Variants in AKR1C8 observed in about 807,000 individuals in gnomAD.
AKR1C8 encodes aldo-keto reductase family 1 member C8.
the AKR1C8 span, chr10:5,155,666 A>C: frequency 6.4e-6 from 3 of 467,604 alleles, no homozygotes; most frequent in Non-Finnish European, 1.3e-5. Flanking sequence ...ATCTACAAGC[A>C]TCACTTACAA....
the AKR1C8 span, chr10:5,155,636 A>C: frequency 8.9e-6 from 4 of 448,044 alleles, no homozygotes; most frequent in East Asian, 2.9e-4. Flanking sequence ...TGCATACTAC[A>C]GAAAACAGCC....
the AKR1C8 span, among the ~76,000 whole-genome samples, chr10:5,117,398 G>A: frequency 1.1e-4 from 17 of 152,006 alleles, no homozygotes; most frequent in African/African-American, 1.7e-4. Flanking sequence ...ACCCTCAATC[G>A]AGGATTTCTG....
At chr10:5,119,443 C>A in the AKR1C8 span, among the ~76,000 whole-genome samples, 1 of 151,940 alleles carries the variant, frequency 6.6e-6, no homozygotes, top group African/African-American at 2.4e-5. Flanking sequence ...ACAAAACAAG[C>A]ATAAATATTT....
chr10:5,117,125 GT>G, the AKR1C8 span, among the ~76,000 whole-genome samples: 1,365 of 105,910 alleles, frequency 0.013, 22 homozygotes, highest in African/African-American at 0.051. Flanking sequence ...AGCACTGGCA[GT>G]GAGCTTTTTT....
At chr10:5,163,178 T>C in the AKR1C8 span, among the ~76,000 whole-genome samples, 4 of 152,206 alleles carry the variant, frequency 2.6e-5, no homozygotes, top group African/African-American at 9.6e-5. Flanking sequence ...GGACATTGAT[T>C]AAACTCCAGT....
the AKR1C8 span, among the ~76,000 whole-genome samples, chr10:5,116,006 T>G: frequency 1.9e-4 from 29 of 152,210 alleles, 1 homozygote; most frequent in Admixed American, 4.6e-4. Context: ...GCAGGTCATG[T>G]TTTTTTCCTG....
At chr10:5,116,144 T>C in the AKR1C8 span, among the ~76,000 whole-genome samples, 1 of 152,180 alleles carries the variant, frequency 6.6e-6, no homozygotes, top group Non-Finnish European at 1.5e-5. Context: ...CCCTAATGCA[T>C]ACTCTTCCTT....
the AKR1C8 span, chr10:5,158,604 G>T: frequency 2.1e-6 from 1 of 476,120 alleles, no homozygotes; most frequent in Admixed American, 2.3e-5. Flanking sequence ...TATTACCACT[G>T]TGGGTCTCTT....
At chr10:5,180,847 G>C in the AKR1C8 span, among the ~76,000 whole-genome samples, 82,445 of 152,078 alleles carry the variant, frequency 0.54, 23,256 homozygotes, top group Non-Finnish European at 0.6. Context: ...GAAAAGCGCG[G>C]TATTAGGGTA....
the AKR1C8 span, among the ~76,000 whole-genome samples, chr10:5,152,479 C>G: frequency 1.1e-4 from 16 of 152,108 alleles, no homozygotes; most frequent in African/African-American, 3.9e-4. Flanking sequence ...TACTGGAACA[C>G]CAGGATCAAA....
chr10:5,140,164 T>C, the AKR1C8 span, among the ~76,000 whole-genome samples: 1 of 152,172 alleles, frequency 6.6e-6, no homozygotes, highest in Non-Finnish European at 1.5e-5. Flanking sequence ...CTGGAGAGGA[T>C]GTGGAGAAAT....
At chr10:5,129,313 A>C in the AKR1C8 span, among the ~76,000 whole-genome samples, 1 of 152,096 alleles carries the variant, frequency 6.6e-6, no homozygotes, top group Non-Finnish European at 1.5e-5. Flanking sequence ...AAATGCCTAC[A>C]TCTAAAAGTC....
the AKR1C8 span, among the ~76,000 whole-genome samples, chr10:5,143,366 C>G: frequency 6.6e-6 from 1 of 152,122 alleles, no homozygotes; most frequent in Non-Finnish European, 1.5e-5. Context: ...TCCAGGCCTT[C>G]TGATCTTTGC....
the AKR1C8 span, among the ~76,000 whole-genome samples, chr10:5,150,962 T>A: frequency 6.6e-6 from 1 of 152,034 alleles, no homozygotes; most frequent in South Asian, 2.1e-4. Context: ...CTCAAATCAG[T>A]CTCCCTGAAG....
chr10:5,175,411 T>A, the AKR1C8 span, among the ~76,000 whole-genome samples: 1 of 152,276 alleles, frequency 6.6e-6, no homozygotes, highest in South Asian at 2.1e-4. Context: ...GTCTTTGCTG[T>A]TGTGAATAGT....
chr10:5,149,459 T>C, the AKR1C8 span, among the ~76,000 whole-genome samples: 1 of 152,164 alleles, frequency 6.6e-6, no homozygotes, highest in Non-Finnish European at 1.5e-5. Context: ...ATTAGACTTT[T>C]AAAGACCTTT....
chr10:5,129,029 C>T, the AKR1C8 span, among the ~76,000 whole-genome samples: 6 of 152,024 alleles, frequency 3.9e-5, no homozygotes, highest in Non-Finnish European at 7.4e-5. Flanking sequence ...ATATGATAGG[C>T]CACAAAACAA....
chr10:5,146,532 A>G, the AKR1C8 span, among the ~76,000 whole-genome samples: 1 of 152,148 alleles, frequency 6.6e-6, no homozygotes, highest in South Asian at 2.1e-4. Flanking sequence ...GAAAGTGCTA[A>G]TAGTTTACAA....
the AKR1C8 span, among the ~76,000 whole-genome samples, chr10:5,160,161 T>C: frequency 8.6e-6 from 1 of 116,306 alleles, no homozygotes; most frequent in Non-Finnish European, 2.1e-5. Flanking sequence ...TCCTAATGCA[T>C]TACCTTGCTA....
Sources: allele counts gnomAD v4.1 joint callset (sites outside exome capture counted in the v4.1 genomes callset), GRCh38; gene constraint gnomAD v4.1.1; transcripts MANE v1.5; gene names NCBI Gene and HGNC (gene_info 2026-07-23, HGNC 2026-07-21).